The following CPED1 variants were observed in gnomAD, a reference collection of about 807,000 sequenced individuals.
The protein encoded by CPED1 is cadherin-like and PC-esterase domain-containing protein 1.
A neutral mutation model predicts 128.2 loss-of-function variants in CPED1; 114 were observed. That is an observed-to-expected ratio of 0.89 (90% CI 0.76 to 1.04). CPED1 has a LOEUF of 1.04. CPED1 is among the 50% of genes least tolerant of loss of function. The pLI is 0.00. For synonymous variants in CPED1, 462 were observed against 426.7 expected (o/e 1.08, Z -1.02); for missense variants, 1,211 against 1,207.1 (o/e 1.00, Z -0.05).
rs911253703 is a variant in CPED1, at chr7:121,187,218, T to C, written c.2055+45077T>C. The stretch of plus-strand genomic sequence containing the variant: ...AAATGAAAAGAGCAGGCTGCTATAA[T>C]GGACAATGGTAAGGAGCCCAGTAGG... On this transcript the variant is annotated intron_variant, in intron 16 of 22. Coordinates refer to ENST00000310396, the MANE Select transcript of CPED1 (RefSeq NM_024913.5). 3.9e-5 allele frequency among the ~76,000 whole-genome samples: 6 copies of C among 152,312 alleles called. No individual in the cohort carries two copies. The East Asian group carries it at 5.8e-4, about 15-fold the overall frequency.
At chr7:121,260,812 T>G (rs1298400369) in intron 18 of CPED1, among the ~76,000 whole-genome samples, 1 of 152,054 alleles carries the variant, frequency 6.6e-6, no homozygotes, top group Non-Finnish European at 1.5e-5. Context: ...TGCACTTTAT[T>G]GGATCCAGAG....
At chr7:120,998,370 T>C (rs1360299938) in intron 2 of CPED1, among the ~76,000 whole-genome samples, 2 of 152,208 alleles carry the variant, frequency 1.3e-5, no homozygotes, top group Non-Finnish European at 2.9e-5. Flanking sequence ...TCTTGACCTC[T>C]CTAGGATTTA....
chr7:121,101,588 A>G (rs1432923068), intron 7 of CPED1, among the ~76,000 whole-genome samples: 2 of 152,086 alleles, frequency 1.3e-5, no homozygotes, highest in Non-Finnish European at 2.9e-5. Flanking sequence ...CCGTTTTTGC[A>G]TTGCTATAAA....
intron 5 of CPED1, among the ~76,000 whole-genome samples, chr7:121,095,676 G>T (rs888257133): frequency 1.3e-5 from 2 of 152,060 alleles, no homozygotes; most frequent in Non-Finnish European, 2.9e-5. Context: ...GGCAATTCCT[G>T]TATTGGACCC....
At chr7:121,243,943 ATTTT>A (rs1434262139) in intron 17 of CPED1, among the ~76,000 whole-genome samples, 1 of 152,198 alleles carries the variant, frequency 6.6e-6, no homozygotes, top group Non-Finnish European at 1.5e-5. Context: ...TAATACTTAG[ATTTT>A]TAATAAGTAT....
intron 18 of CPED1, among the ~76,000 whole-genome samples, chr7:121,261,100 G>A (rs1038506922): frequency 6.6e-6 from 1 of 151,910 alleles, no homozygotes; most frequent in African/African-American, 2.4e-5. Context: ...GGTGATGCTG[G>A]AGTAAAGAGG....
chr7:121,197,012 T>C (rs958538394), intron 16 of CPED1, among the ~76,000 whole-genome samples: 2 of 152,026 alleles, frequency 1.3e-5, no homozygotes, highest in Non-Finnish European at 2.9e-5. Flanking sequence ...AATGTTTGCT[T>C]CTCCAGAATT....
intron 16 of CPED1, among the ~76,000 whole-genome samples, chr7:121,208,756 C>T (rs1017354798): frequency 7.2e-5 from 11 of 151,912 alleles, no homozygotes; most frequent in Non-Finnish European, 1.2e-4. Context: ...GTTTCACAGG[C>T]GAACTCCACA....
chr7:121,295,378 A>C, intron 22 of CPED1, 62 bp from the exon 23 acceptor site: 1 of 1,526,232 alleles, frequency 6.6e-7, no homozygotes, highest in South Asian at 1.3e-5. Flanking sequence ...TTTGAGAGTT[A>C]GTTATGCAGG....
intron 16 of CPED1, among the ~76,000 whole-genome samples, chr7:121,200,702 G>A (rs1046434962): frequency 6.6e-6 from 1 of 151,970 alleles, no homozygotes; most frequent in Non-Finnish European, 1.5e-5. Flanking sequence ...ATTGGACCAG[G>A]CACAATTATC....
At chr7:121,199,203 T>G (rs1797333161) in intron 16 of CPED1, among the ~76,000 whole-genome samples, 1 of 152,032 alleles carries the variant, frequency 6.6e-6, no homozygotes. Flanking sequence ...CTCTATGATT[T>G]ATAGGCTGAA....
intron 3 of CPED1, among the ~76,000 whole-genome samples, chr7:121,032,646 C>A (rs190808711): frequency 7.2e-5 from 11 of 152,086 alleles, no homozygotes; most frequent in Non-Finnish European, 1.5e-4. Context: ...TAGCAAACCA[C>A]CACGGCACAT....
chr7:121,194,047 T>TTTTC (rs1797213304), intron 16 of CPED1, among the ~76,000 whole-genome samples: 1 of 57,746 alleles, frequency 1.7e-5, no homozygotes, highest in African/African-American at 6.6e-5. Flanking sequence ...TATATATATA[T>TTTTC]ATTTTTTTTT....
chr7:121,247,668 C>T (rs1798567930), intron 18 of CPED1, among the ~76,000 whole-genome samples: 1 of 152,128 alleles, frequency 6.6e-6, no homozygotes, highest in South Asian at 2.1e-4. Context: ...TTCCTGGCTA[C>T]AGGGGACCCA....
At chr7:121,278,550 C>CT (rs767982551) in intron 22 of CPED1, among the ~76,000 whole-genome samples, 1 of 152,082 alleles carries the variant, frequency 6.6e-6, no homozygotes, top group Non-Finnish European at 1.5e-5. Flanking sequence ...TCCTACACTC[C>CT]TTTTTTAGAA....
intron 3 of CPED1, among the ~76,000 whole-genome samples, chr7:121,032,901 T>A (rs1177226770): frequency 6.6e-6 from 1 of 152,136 alleles, no homozygotes; most frequent in Non-Finnish European, 1.5e-5. Flanking sequence ...TTAGGAAAAT[T>A]GTGAAGTGGA....
intron 16 of CPED1, among the ~76,000 whole-genome samples, chr7:121,168,860 A>G (rs1352055592): frequency 1.3e-5 from 2 of 152,166 alleles, no homozygotes; most frequent in African/African-American, 2.4e-5. Context: ...AAAATTTCTT[A>G]GAAACAAGAC....
intron 22 of CPED1, among the ~76,000 whole-genome samples, chr7:121,279,894 A>G (rs1792421442): frequency 6.6e-6 from 1 of 152,156 alleles, no homozygotes; most frequent in African/African-American, 2.4e-5. Context: ...TAGACCTCCT[A>G]GCATTCCACA....
chr7:120,992,036 G>A (rs1796317786), intron 2 of CPED1, among the ~76,000 whole-genome samples: 1 of 151,924 alleles, frequency 6.6e-6, no homozygotes, highest in African/African-American at 2.4e-5. Flanking sequence ...TATAGTATAT[G>A]TTTTGAAAAA....
Sources: gnomAD v4.1 joint callset for allele counts (sites outside exome capture counted in the v4.1 genomes callset) on GRCh38, gnomAD v4.1.1 for gene constraint, MANE v1.5 for transcripts, NCBI Gene and HGNC (gene_info 2026-07-23, HGNC 2026-07-21) for gene names.